KCNIP1: variants seen among roughly 807,000 people sequenced by gnomAD.
KCNIP1 encodes potassium voltage-gated channel interacting protein 1, also known as A-type potassium channel modulatory protein KCNIP1.
Under a neutral mutation model 33.0 loss-of-function variants are expected in KCNIP1, and 18 were observed. The ratio of observed to expected loss-of-function variants is 0.55; its 90% CI spans 0.38 to 0.81. The LOEUF (loss-of-function observed/expected upper bound fraction) is 0.81. Ranked by LOEUF, KCNIP1 falls within the 30% of genes least tolerant of loss-of-function variation. The pLI is 0.00. For missense variants in KCNIP1, 238 were observed against 271.6 expected (o/e 0.88, Z 0.87); for synonymous variants, 93 against 98.3 (o/e 0.95, Z 0.32).
chr5:170,720,425 C>A lies in KCNIP1; in HGVS notation c.256+35C>A, dbSNP rs534946489. On this transcript the variant is annotated intron_variant, in intron 3 of 7. Coordinates refer to ENST00000328939, the MANE Select transcript of KCNIP1 (RefSeq NM_014592.4). ...ACCTTGAAATCTATCTTGCCCAGCT[C>A]CCTCTCTGGTAAGCAGCCTTCCCTT... 120 of 1,515,224 alleles carry A rather than the reference C, an allele frequency of 7.9e-5. No homozygotes were observed. In the South Asian group the frequency reaches 1.3e-3, roughly 16 times the overall value. The allele number at this position is 1,515,224 out of a possible 1,614,324, so 93.9% of individuals were successfully genotyped here.
rs73803723 is a variant in KCNIP1 at position 170,489,524 on chromosome 5, G to A, written c.88+135560G>A. Among the ~76,000 whole-genome samples the A allele has an allele frequency of 6.6e-6, 1 of 151,336 alleles. No homozygotes were observed. Among genetic ancestry groups the A allele is most frequent in the Non-Finnish European group, 1.5e-5 (1 of 67,618 alleles). ...CATATTGCTAGACCCCCTTCTCTTG[G>A]TCCCCTGCCTCCTCCCACTGGTGTG... On this transcript the variant is annotated intron_variant, in intron 1 of 7. Coordinates refer to the KCNIP1 transcript ENST00000377360. This position sits in a 1 kb window ranked among gnomAD's most constrained non-coding sequence, Gnocchi z 4.3.
chr5:170,389,450 A>C (rs1764623929), intron 1 of KCNIP1: 1 of 152,104 alleles, frequency 6.6e-6, no homozygotes, highest in Non-Finnish European at 1.5e-5. Flanking sequence ...CTGAGCACAC[A>C]GCCTGGAGAC....
At chr5:170,462,525 C>T (rs1352471451) in intron 1 of KCNIP1, among the ~76,000 whole-genome samples, 2 of 152,118 alleles carry the variant, frequency 1.3e-5, no homozygotes, top group Non-Finnish European at 2.9e-5. Flanking sequence ...TTCTACACTG[C>T]TGGTGAAAAT....
chr5:170,684,812 A>G (rs748286454), intron 1 of KCNIP1, among the ~76,000 whole-genome samples: 1 of 151,926 alleles, frequency 6.6e-6, no homozygotes, highest in African/African-American at 2.4e-5. Context: ...CTACCTTCAT[A>G]TTTGGTTGGC....
At chr5:170,455,284 C>T (rs1018705619) in intron 1 of KCNIP1, among the ~76,000 whole-genome samples, 3 of 152,140 alleles carry the variant, frequency 2.0e-5, no homozygotes, top group African/African-American at 7.2e-5. Context: ...ACTTCTCCTC[C>T]TCCTCCCCTT....
intron 1 of KCNIP1, among the ~76,000 whole-genome samples, chr5:170,523,762 C>G (rs1033129960): frequency 2.6e-5 from 4 of 152,154 alleles, no homozygotes; most frequent in Non-Finnish European, 5.9e-5. Flanking sequence ...CTGGGCATCT[C>G]CCTCACGTGT....
At chr5:170,390,538 A>ATATATATATATATATATATATATATT (rs1554088948) in intron 1 of KCNIP1, among the ~76,000 whole-genome samples, 1 of 131,224 alleles carries the variant, frequency 7.6e-6, no homozygotes, top group Non-Finnish European at 1.6e-5. Flanking sequence ...ATATATATAT[A>ATATATATATATATATATATATATATT]TTTTCAACAA....
At chr5:170,353,934 T>C in exon 1 of KCNIP1, 1 of 1,614,228 alleles carries the variant, frequency 6.2e-7, no homozygotes. Context: ...CCAGACCATC[T>C]TTAAGCTCAT....
At chr5:170,447,734 G>A (rs1043953810) in intron 1 of KCNIP1, among the ~76,000 whole-genome samples, 1 of 151,928 alleles carries the variant, frequency 6.6e-6, no homozygotes, top group Non-Finnish European at 1.5e-5. Context: ...AGAGATTTCA[G>A]TGGGCCAACG....
chr5:170,400,199 CT>C lies in KCNIP1; in HGVS notation c.88+46236del, dbSNP rs377169745. 5.4e-3 allele frequency among the ~76,000 whole-genome samples: 820 copies of C among 152,292 alleles called. 11 individuals are homozygous for C. Among genetic ancestry groups the C allele is most frequent in the African/African-American group, 0.019 (787 of 41,558 alleles). On this transcript the variant is annotated intron_variant, in intron 1 of 7. Coordinates refer to the KCNIP1 transcript ENST00000377360. ...TTCCTTGCATTAGTCCGTTTTCACA[CT>C]GCTATAAAGATACTACCCAAGACTG... is the stretch of plus-strand genomic sequence containing the variant.
chr5:170,492,761 A>ATT (rs1757232004), intron 1 of KCNIP1, among the ~76,000 whole-genome samples: 1 of 151,664 alleles, frequency 6.6e-6, no homozygotes, highest in South Asian at 2.1e-4. Flanking sequence ...CTATCTATTT[A>ATT]TTTATTTATT....
chr5:170,709,527 C>A (rs1561777146), intron 1 of KCNIP1, among the ~76,000 whole-genome samples: 1 of 152,154 alleles, frequency 6.6e-6, no homozygotes, highest in Admixed American at 6.5e-5. Context: ...TTTCTGTGCC[C>A]TTATGCTTAC....
intron 1 of KCNIP1, among the ~76,000 whole-genome samples, chr5:170,644,469 G>A (rs2113706607): frequency 6.6e-6 from 1 of 152,338 alleles, no homozygotes; most frequent in East Asian, 1.9e-4. Flanking sequence ...GGGGAGAAGG[G>A]GCTGGGCGGA....
chr5:170,565,793 CAA>C (rs1199423396), intron 1 of KCNIP1, among the ~76,000 whole-genome samples: 1 of 152,152 alleles, frequency 6.6e-6, no homozygotes, highest in Admixed American at 6.5e-5. Flanking sequence ...TGGAAGGAAA[CAA>C]TGTCTGTTTG....
chr5:170,730,201 C>T (rs1398376788), intron 5 of KCNIP1, among the ~76,000 whole-genome samples: 1 of 151,998 alleles, frequency 6.6e-6, no homozygotes, highest in Admixed American at 6.6e-5. Flanking sequence ...TCAAATACTA[C>T]CTTGCAAAAC....
intron 1 of KCNIP1, among the ~76,000 whole-genome samples, chr5:170,531,963 T>A (rs1352805432): frequency 6.6e-6 from 1 of 152,208 alleles, no homozygotes; most frequent in Non-Finnish European, 1.5e-5. Context: ...CCTCAGCCTC[T>A]TTCAACTTCT....
intron 1 of KCNIP1, among the ~76,000 whole-genome samples, chr5:170,374,289 G>A (rs1763928919): frequency 6.6e-6 from 1 of 152,178 alleles, no homozygotes; most frequent in Non-Finnish European, 1.5e-5. Flanking sequence ...CCCTCACAAT[G>A]ATTAGTGAGG....
chr5:170,576,569 A>C (rs568326736), intron 1 of KCNIP1, among the ~76,000 whole-genome samples: 1 of 152,204 alleles, frequency 6.6e-6, no homozygotes, highest in Non-Finnish European at 1.5e-5. Flanking sequence ...CAAGCACAGG[A>C]TTGATCCTCC....
Position 170,405,488 on chromosome 5 carries a change from G to A in KCNIP1, c.88+51524G>A, listed in dbSNP as rs531634928. Among the ~76,000 whole-genome samples the A allele has an allele frequency of 2.0e-5, 3 of 152,348 alleles. No homozygotes were observed. The South Asian group carries it at 6.2e-4, about 32-fold the overall frequency. On this transcript the variant is annotated intron_variant, in intron 1 of 7. Coordinates refer to the KCNIP1 transcript ENST00000377360. ...CAAAGTGCTGGGATTATCAGCCTGA[G>A]CCGTTGTGCCCAGCTGAGAAGAGGG...
Sources: gnomAD v4.1 joint callset for allele counts (sites outside exome capture counted in the v4.1 genomes callset) on GRCh38, gnomAD v4.1.1 for gene constraint, Gnocchi (gnomAD v3.1) non-coding constraint, MANE v1.5 for transcripts, NCBI Gene and HGNC (gene_info 2026-07-23, HGNC 2026-07-21) for gene names.